MS4A8: variants seen among roughly 807,000 people sequenced by gnomAD.
The protein encoded by MS4A8 is membrane spanning 4-domains A8.
MS4A8 carries 27 observed loss-of-function variants against 23.7 expected under a neutral mutation model. That is an observed-to-expected ratio of 1.14 (90% CI 0.84 to 1.57). The LOEUF (loss-of-function observed/expected upper bound fraction) is 1.57. MS4A8 is among the 40% of genes most tolerant of loss of function. The probability of loss-of-function intolerance (pLI) is 0.00; values close to 1 mark genes in which losing one functional copy is unlikely to be tolerated. For missense variants in MS4A8, 301 were observed against 311.4 expected, an observed-to-expected ratio of 0.97 and a Z score of 0.25; for synonymous variants, 138 against 126.3, an observed-to-expected ratio of 1.09 and a Z score of -0.62.
chr11:60,715,591 A>G lies in MS4A8; in HGVS notation c.*177A>G. 1.7e-6 allele frequency: 1 copy of G among 595,810 alleles called. No individual in the cohort carries two copies. Among genetic ancestry groups the G allele is most frequent in the Non-Finnish European group, 3.0e-6 (1 of 336,934 alleles). The allele number at this position is 595,810 out of a possible 1,614,324, so 36.9% of individuals were successfully genotyped here. ...AGGAAACCATGCTGTTTCTCTATCA[A>G]GAAGAAGACAGAGATTTTAAACAGA... is the stretch of plus-strand genomic sequence containing the variant. On this transcript the variant is annotated 3_prime_UTR_variant, in exon 7 of 7. Coordinates refer to ENST00000300226, the MANE Select transcript of MS4A8 (RefSeq NM_031457.2).
intron 5 of MS4A8, among the ~76,000 whole-genome samples, chr11:60,712,928 C>A (rs1016069484): frequency 6.6e-6 from 1 of 152,146 alleles, no homozygotes; most frequent in Admixed American, 6.5e-5. Context: ...CCTGGATGGA[C>A]CTTTTAGATT....
At chr11:60,708,908 T>G in intron 5 of MS4A8, 127 bp downstream of exon 5, 4 of 1,181,838 alleles carry the variant, frequency 3.4e-6, no homozygotes, top group South Asian at 1.3e-5. Flanking sequence ...GCTTTCAGCA[T>G]AGGAACAAAT....
chr11:60,700,741 T>C (rs1456795445), intron 1 of MS4A8, 119 bp from the exon 2 acceptor site: 3 of 929,008 alleles, frequency 3.2e-6, no homozygotes, highest in Non-Finnish European at 3.4e-6. Context: ...ATTTGTAACA[T>C]GGGATTCATA....
intron 2 of MS4A8, among the ~76,000 whole-genome samples, chr11:60,702,500 T>G (rs2088213636): frequency 6.6e-6 from 1 of 152,232 alleles, no homozygotes; most frequent in East Asian, 1.9e-4. Context: ...CCTCCTGGGT[T>G]TAAGCGATTC....
chr11:60,714,213 C>T (rs1309794773), intron 5 of MS4A8, among the ~76,000 whole-genome samples: 3 of 141,690 alleles, frequency 2.1e-5, no homozygotes, highest in Admixed American at 2.0e-4. Context: ...CGTGAGCCAC[C>T]GCGCCCGGCC....
chr11:60,709,228 G>A (rs913288779), intron 5 of MS4A8: 1 of 206,618 alleles, frequency 4.8e-6, no homozygotes, highest in African/African-American at 2.4e-5. Context: ...CTAAACAAAT[G>A]AATATGGCTG....
chr11:60,715,174 CA>C (rs35061730), intron 6 of MS4A8, 40 bp downstream of exon 6: 11 of 1,546,816 alleles, frequency 7.1e-6, no homozygotes, highest in Non-Finnish European at 9.8e-6. Flanking sequence ...AAGATGCCCC[CA>C]AAAAGGTGGA....
At chr11:60,703,312 G>A in intron 2 of MS4A8, 66 bp from the exon 3 acceptor site, 2 of 1,433,836 alleles carry the variant, frequency 1.4e-6, no homozygotes, top group Non-Finnish European at 1.8e-6. Context: ...AAATTAAAAG[G>A]AGGCTCATAG....
chr11:60,714,903 T>C, intron 5 of MS4A8, 118 bp from the exon 6 acceptor site: 1 of 719,794 alleles, frequency 1.4e-6, no homozygotes, highest in South Asian at 1.5e-5. Context: ...CCCACGAGGC[T>C]GAGAGAGGAT....
chr11:60,706,845 A>T, intron 3 of MS4A8, 143 bp from the exon 4 acceptor site: 1 of 726,720 alleles, frequency 1.4e-6, no homozygotes, highest in Non-Finnish European at 2.5e-6. Context: ...CAGGCAGTGC[A>T]AAACAGCTCA....
At chr11:60,712,939 GA>G (rs1389424334) in intron 5 of MS4A8, among the ~76,000 whole-genome samples, 1 of 152,162 alleles carries the variant, frequency 6.6e-6, no homozygotes, top group African/African-American at 2.4e-5. Context: ...CTTTTAGATT[GA>G]AACTCGCTTC....
intron 5 of MS4A8, among the ~76,000 whole-genome samples, chr11:60,713,437 G>A (rs1453736893): frequency 2.0e-5 from 3 of 152,150 alleles, no homozygotes; most frequent in Admixed American, 6.5e-5. Flanking sequence ...GTGAACAAAT[G>A]TCTCTGCATC....
intron 5 of MS4A8, chr11:60,711,827 T>G (rs1179157186): frequency 4.4e-6 from 2 of 456,164 alleles, no homozygotes; most frequent in South Asian, 3.1e-5. Context: ...CTTTTAATCT[T>G]AGTTCTGCCA....
intron 5 of MS4A8, chr11:60,712,283 T>C: frequency 1.0e-6 from 1 of 976,138 alleles, no homozygotes; most frequent in Non-Finnish European, 1.2e-6. Context: ...GCTCTTACCC[T>C]ATCTGATGTG....
rs368598593 is a variant in MS4A8 at position 60,714,986 on chromosome 11, C to G, written c.535-35C>G. On this transcript the variant is annotated intron_variant, in intron 5 of 6. Coordinates refer to ENST00000300226, the MANE Select transcript of MS4A8 (RefSeq NM_031457.2). ...AGAGGTCAGTTCGGACTCCCAGTCC[C>G]GTGCTCCTGTCCTCCCCATCTGCTC... 7 of 1,487,140 alleles carry G rather than the reference C, an allele frequency of 4.7e-6. 1 individual carries two copies. Among genetic ancestry groups the G allele is most frequent in the African/African-American group, 1.4e-5 (1 of 72,310 alleles). The allele number at this position is 1,487,140 out of a possible 1,614,324, so 92.1% of individuals were successfully genotyped here.
At chr11:60,700,285 T>A (rs531882077) in intron 1 of MS4A8, among the ~76,000 whole-genome samples, 2 of 152,252 alleles carry the variant, frequency 1.3e-5, no homozygotes, top group African/African-American at 4.8e-5. Context: ...GTGGTTCACA[T>A]CTGTAATCCC....
intron 1 of MS4A8, among the ~76,000 whole-genome samples, chr11:60,700,510 C>T (rs1177196429): frequency 6.6e-6 from 1 of 152,086 alleles, no homozygotes; most frequent in East Asian, 1.9e-4. Flanking sequence ...CGTACCACTG[C>T]ACTCCAGCCT....
chr11:60,715,133 A>G lies in MS4A8; in HGVS notation c.647A>G (p.Asn216Ser), dbSNP rs777581334. The G allele has an allele frequency of 1.2e-6, 2 of 1,610,946 alleles. No individual in the cohort carries two copies. Among genetic ancestry groups the G allele is most frequent in the Non-Finnish European group, 1.7e-6 (2 of 1,177,104 alleles). ...GCQLVCCQSS[N>S]VSVIYPNIYA... The stretch of plus-strand genomic sequence containing the variant: ...CAGTTGGTCTGCTGTCAATCAAGCA[A>G]TGTGAGTCCCAGGGTTCCTCAGTGG... The change falls in exon 6 of 7, where the codon AAT (asparagine) becomes AGT (serine). Residue 216 changes from asparagine to serine, a missense_variant and splice_region_variant. Coordinates refer to ENST00000300226, the MANE Select transcript of MS4A8 (RefSeq NM_031457.2).
chr11:60,710,053 C>T (rs918140826), intron 5 of MS4A8, among the ~76,000 whole-genome samples: 5 of 152,168 alleles, frequency 3.3e-5, no homozygotes, highest in Non-Finnish European at 7.4e-5. Context: ...TCCTTCTTCT[C>T]GGAGGGACTT....
Sources: gnomAD v4.1 joint callset for allele counts (sites outside exome capture counted in the v4.1 genomes callset) on GRCh38, gnomAD v4.1.1 for gene constraint, MANE v1.5 for transcripts, NCBI Gene and HGNC (gene_info 2026-07-23, HGNC 2026-07-21) for gene names.